Variants in GSE1 observed in about 807,000 individuals in gnomAD.
GSE1 encodes Gse1 coiled-coil protein.
Under a neutral mutation model 112.6 loss-of-function variants are expected in GSE1, and 32 were observed. The observed-to-expected ratio is 0.28, with a 90% CI of 0.21 to 0.38. The LOEUF (loss-of-function observed/expected upper bound fraction) is 0.38. GSE1 is among the 10% of genes least tolerant of loss of function. The pLI is 1.00. For synonymous variants in GSE1, 1,115 were observed against 735.6 expected (o/e 1.52, Z -8.35); for missense variants, 2,348 against 1,699.2 (o/e 1.38, Z -6.71).
intron 1 of GSE1, among the ~76,000 whole-genome samples, chr16:85,206,029 A>G (rs1202199666): frequency 6.6e-6 from 1 of 152,192 alleles, no homozygotes; most frequent in Non-Finnish European, 1.5e-5. Flanking sequence ...GCGTGCCACC[A>G]GGACAGGGGT....
chr16:85,636,927 CCCCCAGCTCCCTGGTGCTACCT>C (rs1165086644), intron 2 of GSE1, among the ~76,000 whole-genome samples: 4 of 151,926 alleles, frequency 2.6e-5, no homozygotes, highest in Admixed American at 1.3e-4. Flanking sequence ...CTGTGCTACC[CCCCCAGCTCCCTGGTGCTACCT>C]CCCCATCTGC....
intron 2 of GSE1, among the ~76,000 whole-genome samples, chr16:85,640,326 G>T (rs182570350): frequency 6.6e-6 from 1 of 152,220 alleles, no homozygotes; most frequent in African/African-American, 2.4e-5. Context: ...GGTGTTGGCC[G>T]CTGTGTTACC....
chr16:85,659,781 C>T (rs531861721), intron 8 of GSE1: 3 of 152,236 alleles, frequency 2.0e-5, no homozygotes, highest in African/African-American at 4.8e-5. Flanking sequence ...TAAGGGGCAG[C>T]TTCTTGTTTA....
chr16:85,537,327 T>G (rs1182236488), intron 2 of GSE1, among the ~76,000 whole-genome samples: 1 of 151,400 alleles, frequency 6.6e-6, no homozygotes, highest in African/African-American at 2.4e-5. Context: ...AGCAGGGGAG[T>G]GGAGAGAGGG....
chr16:85,659,958 A>G (rs1481758090), intron 8 of GSE1, among the ~76,000 whole-genome samples: 2 of 152,180 alleles, frequency 1.3e-5, no homozygotes, highest in African/African-American at 4.8e-5. Context: ...CACAGGCCCC[A>G]TCCTGACTGG....
chr16:85,408,658 G>C (rs1421459829), intron 2 of GSE1, among the ~76,000 whole-genome samples: 3 of 50,840 alleles, frequency 5.9e-5, no homozygotes, highest in Admixed American at 1.7e-4. Context: ...GGGCCCCCCG[G>C]ATAATCCTCA....
intron 2 of GSE1, among the ~76,000 whole-genome samples, chr16:85,425,655 C>T (rs1335248294): frequency 2.0e-5 from 3 of 151,882 alleles, no homozygotes; most frequent in African/African-American, 7.3e-5. Context: ...GGCAAGCCTG[C>T]CCTGCCCACC....
intron 8 of GSE1, chr16:85,659,284 C>A (rs1444454401): frequency 2.0e-5 from 3 of 152,254 alleles, no homozygotes; most frequent in Non-Finnish European, 4.4e-5. Context: ...GTGGCCTCTG[C>A]CTCTTTCTTC....
intron 1 of GSE1, among the ~76,000 whole-genome samples, chr16:85,296,290 G>A (rs1275078462): frequency 2.0e-5 from 3 of 152,132 alleles, no homozygotes; most frequent in Non-Finnish European, 2.9e-5. Context: ...GGCACAAAGC[G>A]GGGTCAGGTA....
At chr16:85,221,334 A>C (rs9929912) in intron 1 of GSE1, among the ~76,000 whole-genome samples, 49,529 of 148,124 alleles carry the variant, frequency 0.33, 8,387 homozygotes, top group East Asian at 0.49. Flanking sequence ...ACACACACAC[A>C]CCCCAAGTAC....
chr16:85,266,673 G>T (rs1248251315), intron 1 of GSE1, among the ~76,000 whole-genome samples: 1 of 151,946 alleles, frequency 6.6e-6, no homozygotes, highest in Non-Finnish European at 1.5e-5. Context: ...GAGGGAAGGG[G>T]TGGTTTGGGG....
chr16:85,653,545 A>C (rs976853077), intron 3 of GSE1, among the ~76,000 whole-genome samples: 3 of 151,176 alleles, frequency 2.0e-5, no homozygotes, highest in Non-Finnish European at 2.9e-5. Flanking sequence ...CCTCTGGACC[A>C]CCTTCCCAGC....
chr16:85,537,676 T>C (rs1008209718), intron 2 of GSE1, among the ~76,000 whole-genome samples: 13 of 152,364 alleles, frequency 8.5e-5, no homozygotes, highest in Non-Finnish European at 1.3e-4. Flanking sequence ...GGCCACTGAC[T>C]TGTCCAGTCA....
At chr16:85,360,670 G>T (rs935661304) in intron 2 of GSE1, among the ~76,000 whole-genome samples, 1 of 152,136 alleles carries the variant, frequency 6.6e-6, no homozygotes, top group African/African-American at 2.4e-5. Flanking sequence ...ACATGCAGAC[G>T]CACGAGACAG....
chr16:85,442,685 C>T lies in GSE1; in HGVS notation c.2464+85042C>T, dbSNP rs113327286. On this transcript the variant is annotated intron_variant, in intron 2 of 2. Transcript: ENST00000637419. ...CACCCAGGTGGCATCGTGAGCCAGG[C>T]GACCCATCAGGTGGAGAGGCAGCCC... Among the ~76,000 whole-genome samples, 1,169 of 152,286 alleles carry T rather than the reference C, an allele frequency of 7.7e-3. 13 individuals are homozygous for T. Among genetic ancestry groups the T allele is most frequent in the African/African-American group, 0.022 (894 of 41,552 alleles).
At chr16:85,413,161 C>T (rs950090924) in intron 2 of GSE1, among the ~76,000 whole-genome samples, 1 of 152,202 alleles carries the variant, frequency 6.6e-6, no homozygotes, top group African/African-American at 2.4e-5. Context: ...CACCCTGCAA[C>T]AAGCACGTGG....
intron 2 of GSE1, among the ~76,000 whole-genome samples, chr16:85,453,937 C>A (rs2049754639): frequency 6.6e-6 from 1 of 152,084 alleles, no homozygotes; most frequent in South Asian, 2.1e-4. Flanking sequence ...CACACAGCAC[C>A]CCCTGCCTCC....
intron 1 of GSE1, among the ~76,000 whole-genome samples, chr16:85,618,805 G>A (rs1438873936): frequency 2.6e-5 from 4 of 152,224 alleles, no homozygotes; most frequent in South Asian, 4.1e-4. Context: ...CCACTGATGC[G>A]TGCCGCGACA....
chr16:85,420,488 T>G (rs2048811655), intron 2 of GSE1, among the ~76,000 whole-genome samples: 1 of 151,900 alleles, frequency 6.6e-6, no homozygotes. Flanking sequence ...AAGTCCCCGC[T>G]GCGGAGGACC....
Sources: allele counts gnomAD v4.1 joint callset (sites outside exome capture counted in the v4.1 genomes callset), GRCh38; gene constraint gnomAD v4.1.1; transcripts MANE v1.5; gene names NCBI Gene and HGNC (gene_info 2026-07-23, HGNC 2026-07-21).